The following ME1 variants were observed in gnomAD, a reference collection of about 807,000 sequenced individuals.
ME1 encodes the protein NADP-dependent malic enzyme.
Under a neutral mutation model 66.4 loss-of-function variants are expected in ME1, and 74 were observed. The observed-to-expected ratio is 1.11, with a 90% CI of 0.92 to 1.35. The LOEUF (loss-of-function observed/expected upper bound fraction) is 1.35, where lower values mean the gene tolerates loss of function less well. ME1 is among the 40% of genes most tolerant of loss of function. The pLI is 0.00. For missense variants in ME1, 750 were observed against 694.1 expected (o/e 1.08, Z -0.90); for synonymous variants, 251 against 235.6 (o/e 1.07, Z -0.60).
intron 12 of ME1, among the ~76,000 whole-genome samples, chr6:83,219,723 G>A (rs911272773): frequency 6.7e-6 from 1 of 150,050 alleles, no homozygotes; most frequent in South Asian, 2.1e-4. Context: ...ACAGCTGTGT[G>A]CCATCATGCC....
At chr6:83,225,003 A>T (rs893095570) in intron 11 of ME1, among the ~76,000 whole-genome samples, 1 of 151,574 alleles carries the variant, frequency 6.6e-6, no homozygotes, top group African/African-American at 2.4e-5. Flanking sequence ...GGAGTTGGAG[A>T]CCAGCCTGGC....
chr6:83,242,589 A>G (rs186227253), intron 7 of ME1, among the ~76,000 whole-genome samples: 17 of 152,310 alleles, frequency 1.1e-4, no homozygotes, highest in Non-Finnish European at 2.1e-4. Flanking sequence ...TAGGAAAAGC[A>G]TATGCAAAGA....
chr6:83,361,744 T>C, intron 3 of ME1, among the ~76,000 whole-genome samples: 1 of 152,194 alleles, frequency 6.6e-6, no homozygotes, highest in Admixed American at 6.5e-5. Flanking sequence ...CAAGTCTCCA[T>C]GTGACCTGAA....
intron 3 of ME1, among the ~76,000 whole-genome samples, chr6:83,357,931 C>CTATATA (rs1562489403): frequency 7.7e-5 from 4 of 51,748 alleles, no homozygotes; most frequent in African/African-American, 2.6e-4. Flanking sequence ...CTCTCTCTCT[C>CTATATA]TCTCTATATA....
At chr6:83,319,805 A>T (rs1196801492) in intron 5 of ME1, among the ~76,000 whole-genome samples, 1 of 152,154 alleles carries the variant, frequency 6.6e-6, no homozygotes, top group Non-Finnish European at 1.5e-5. Context: ...GCCCAGTTAG[A>T]TTTCAGAATT....
intron 6 of ME1, among the ~76,000 whole-genome samples, chr6:83,255,244 T>G (rs1225129153): frequency 1.3e-5 from 2 of 151,958 alleles, no homozygotes; most frequent in Admixed American, 6.6e-5. Flanking sequence ...TTCTGGGAGA[T>G]TCTATGTTCA....
intron 6 of ME1, among the ~76,000 whole-genome samples, chr6:83,298,931 G>GGT (rs1767655458): frequency 1.3e-4 from 3 of 22,496 alleles, no homozygotes; most frequent in South Asian, 2.8e-3. Flanking sequence ...CTATGTGTCT[G>GGT]TTTTTTTTTT....
intron 6 of ME1, among the ~76,000 whole-genome samples, chr6:83,290,441 A>C (rs1251660334): frequency 6.6e-6 from 1 of 152,116 alleles, no homozygotes; most frequent in Non-Finnish European, 1.5e-5. Context: ...TGTGGTTTTG[A>C]GTGTGATTCT....
chr6:83,395,124 C>T (rs1329695994), intron 3 of ME1, among the ~76,000 whole-genome samples: 1 of 151,392 alleles, frequency 6.6e-6, no homozygotes, highest in Non-Finnish European at 1.5e-5. Flanking sequence ...GAGTCTCACT[C>T]TGTCACCCAG....
chr6:83,414,443 T>A (rs1276906809), intron 1 of ME1, among the ~76,000 whole-genome samples: 2 of 152,160 alleles, frequency 1.3e-5, no homozygotes, highest in Non-Finnish European at 2.9e-5. Flanking sequence ...TTAATGATTA[T>A]AACAATATAT....
chr6:83,349,926 T>C (rs991711848), intron 4 of ME1, among the ~76,000 whole-genome samples: 7 of 152,204 alleles, frequency 4.6e-5, no homozygotes, highest in African/African-American at 1.7e-4. Flanking sequence ...GTTCCCTTCT[T>C]AGAATAGTAT....
intron 1 of ME1, among the ~76,000 whole-genome samples, chr6:83,421,031 G>A (rs908105836): frequency 2.0e-5 from 3 of 152,050 alleles, no homozygotes; most frequent in African/African-American, 7.2e-5. Flanking sequence ...GGGAGGGGGG[G>A]CCCAAAGCCA....
At chr6:83,266,201 A>G (rs1468786950) in intron 6 of ME1, among the ~76,000 whole-genome samples, 2 of 152,170 alleles carry the variant, frequency 1.3e-5, no homozygotes, top group South Asian at 2.1e-4. Context: ...TGAGACCTCA[A>G]AATCAAAAGA....
chr6:83,420,878 G>A (rs1370251037), intron 1 of ME1, among the ~76,000 whole-genome samples: 3 of 151,780 alleles, frequency 2.0e-5, no homozygotes, highest in South Asian at 4.2e-4. Flanking sequence ...TGTTGTTGTT[G>A]GGTTTTTTTG....
chr6:83,349,559 T>C lies in ME1; in HGVS notation c.438+2505A>G, dbSNP rs554636542. On this transcript the variant is annotated intron_variant, in intron 4 of 13. Transcript: ENST00000369705. ...CCTGAACACACAAAGATACTCTCCA[T>C]GTGTCCTGTCTTCATCCCTTCATTT... 3.9e-5 allele frequency among the ~76,000 whole-genome samples: 6 copies of C among 152,328 alleles called. No homozygotes were observed. In the East Asian group the frequency reaches 1.2e-3, roughly 29 times the overall value.
chr6:83,327,939 A>G (rs956946249), intron 5 of ME1, among the ~76,000 whole-genome samples: 1 of 152,172 alleles, frequency 6.6e-6, no homozygotes, highest in Non-Finnish European at 1.5e-5. Flanking sequence ...TTAGGAAAAT[A>G]GAAAAGAACC....
At chr6:83,408,846 G>C (rs1158189910) in intron 1 of ME1, among the ~76,000 whole-genome samples, 1 of 152,150 alleles carries the variant, frequency 6.6e-6, no homozygotes, top group Non-Finnish European at 1.5e-5. Flanking sequence ...GACTATGACT[G>C]CTGTTCCTCT....
At chr6:83,430,723 T>C (rs1204049472) in intron 1 of ME1, among the ~76,000 whole-genome samples, 154 bp downstream of exon 1, 2 of 152,248 alleles carry the variant, frequency 1.3e-5, no homozygotes, top group Non-Finnish European at 2.9e-5. Context: ...TTCTTCCTTC[T>C]GCCCACACCA....
intron 3 of ME1, chr6:83,393,508 A>G (rs1014963601): frequency 8.2e-6 from 3 of 367,728 alleles, no homozygotes; most frequent in Admixed American, 4.3e-5. Context: ...CCACACTGAG[A>G]ATCTCCCCTC....
Sources: gnomAD v4.1 joint callset for allele counts (sites outside exome capture counted in the v4.1 genomes callset) on GRCh38, gnomAD v4.1.1 for gene constraint, MANE v1.5 for transcripts, NCBI Gene and HGNC (gene_info 2026-07-23, HGNC 2026-07-21) for gene names.